Variants in CACNA1A observed in about 807,000 individuals in gnomAD.
The protein encoded by CACNA1A is voltage-dependent P/Q-type calcium channel subunit alpha-1A.
Under a neutral mutation model 262.4 loss-of-function variants are expected in CACNA1A, and 57 were observed. The observed-to-expected ratio is 0.22, with a 90% CI of 0.18 to 0.27. The LOEUF (loss-of-function observed/expected upper bound fraction) is 0.27, where lower values mean the gene tolerates loss of function less well. CACNA1A is among the 10% of genes least tolerant of loss of function. The pLI is 1.00. For synonymous variants in CACNA1A, 1,431 were observed against 1,419.3 expected, an observed-to-expected ratio of 1.01 and a Z score of -0.18; for missense variants, 2,526 against 3,562.8, an observed-to-expected ratio of 0.71 and a Z score of 7.41.
chr19:13,270,657 A>C (rs564094649), intron 24 of CACNA1A, among the ~76,000 whole-genome samples: 1 of 152,170 alleles, frequency 6.6e-6, no homozygotes, highest in Non-Finnish European at 1.5e-5. Context: ...GGTGTGCAGG[A>C]ATGGCTTGAT....
At chr19:13,285,572 C>T (rs2057380170) in intron 20 of CACNA1A, among the ~76,000 whole-genome samples, 1 of 151,968 alleles carries the variant, frequency 6.6e-6, no homozygotes, top group Non-Finnish European at 1.5e-5. Context: ...ACAGACCTGC[C>T]CCTATCCTCG....
In CACNA1A at chr19:13,224,749, G is replaced by A. The variant is rs61741139; in HGVS notation, c.5649C>T (p.Pro1883=). 1.4e-5 allele frequency: 22 copies of A among 1,609,700 alleles called. No individual in the cohort carries two copies. Among genetic ancestry groups the A allele is most frequent in the Middle Eastern group, 1.7e-4 (1 of 6,054 alleles). Residue 1883 remains proline (P), a synonymous_variant, in exon 38 of 47, where the codon CCC becomes CCT. Coordinates refer to ENST00000360228, the MANE Select transcript of CACNA1A (RefSeq NM_001127222.2). ...AYKRLLRMDL[P]VADDNTVHFN... Reference sequence around the variant, plus strand: ...AGTGGACGGTGTTGTCATCTGCGACGGGCAGGTCCATCCGCAGAAGCCGCT... The same window carrying A: ...AGTGGACGGTGTTGTCATCTGCGACAGGCAGGTCCATCCGCAGAAGCCGCT...
chr19:13,326,840 C>T (rs186532870), intron 10 of CACNA1A, among the ~76,000 whole-genome samples: 23 of 149,538 alleles, frequency 1.5e-4, no homozygotes, highest in Admixed American at 1.3e-3. Context: ...TGAACGTGAA[C>T]GCAAATACCA....
In CACNA1A at chr19:13,317,290, A is replaced by G. The variant is rs769335170; in HGVS notation, c.1377T>C (p.Ser459=). The G allele has an allele frequency of 1.2e-6, 2 of 1,610,204 alleles. No individual in the cohort carries two copies. Among genetic ancestry groups the G allele is most frequent in the Non-Finnish European group, 1.7e-6 (2 of 1,176,756 alleles). The part of the protein sequence containing the change: ...GSPFARASIK[S]AKLENSTFFH... The stretch of plus-strand genomic sequence containing the variant: ...AAAAGGTCGAGTTCTCCAGCTTGGC[A>G]CTTTTAATGCTGGCTCGGGCGAAGG... The change falls in exon 11 of 47, where the codon AGT becomes AGC. Residue 459 remains serine (S), a synonymous_variant. Transcript: ENST00000360228.
intron 10 of CACNA1A, among the ~76,000 whole-genome samples, chr19:13,324,451 C>A (rs2058313193): frequency 6.6e-6 from 1 of 152,128 alleles, no homozygotes; most frequent in Non-Finnish European, 1.5e-5. Context: ...GCCTTCCCCA[C>A]ACACAAAAAA....
intron 3 of CACNA1A, among the ~76,000 whole-genome samples, chr19:13,432,815 C>T (rs1012239709): frequency 7.2e-5 from 11 of 152,024 alleles, no homozygotes; most frequent in African/African-American, 2.7e-4. Context: ...AAACATATAT[C>T]AGAACATCCC....
At chr19:13,345,731 T>C (rs1600385985) in intron 6 of CACNA1A, among the ~76,000 whole-genome samples, 1 of 152,262 alleles carries the variant, frequency 6.6e-6, no homozygotes, top group South Asian at 2.1e-4. Context: ...GTGAAAAAGC[T>C]GAAGTCTGAC....
intron 5 of CACNA1A, chr19:13,362,645 T>A (rs2059131061): frequency 6.6e-6 from 1 of 152,286 alleles, no homozygotes; most frequent in African/African-American, 2.4e-5. Context: ...ACCTGGCCCC[T>A]TTCAGGCATA....
At chr19:13,343,167 G>A (rs1481191422) in intron 6 of CACNA1A, among the ~76,000 whole-genome samples, 1 of 151,456 alleles carries the variant, frequency 6.6e-6, no homozygotes, top group Non-Finnish European at 1.5e-5. Flanking sequence ...TGTTGCCCAG[G>A]CTGGAGTGCA....
intron 3 of CACNA1A, among the ~76,000 whole-genome samples, chr19:13,436,984 G>A (rs2060623701): frequency 6.6e-6 from 1 of 152,216 alleles, no homozygotes; most frequent in Non-Finnish European, 1.5e-5. Flanking sequence ...TTTCAGGTTA[G>A]CTGGTGTCCC....
intron 1 of CACNA1A, among the ~76,000 whole-genome samples, chr19:13,469,714 T>C (rs1227154651): frequency 6.7e-6 from 1 of 149,828 alleles, no homozygotes; most frequent in African/African-American, 2.5e-5. Context: ...CCGCCTCGGC[T>C]CCCCAAAGTG....
intron 3 of CACNA1A, among the ~76,000 whole-genome samples, chr19:13,406,186 G>A (rs1309984062): frequency 6.6e-6 from 1 of 151,740 alleles, no homozygotes; most frequent in Non-Finnish European, 1.5e-5. Flanking sequence ...CGGGCATGGT[G>A]GCTCATGCCT....
chr19:13,216,341 ATTG>A (rs1432636338), intron 38 of CACNA1A, among the ~76,000 whole-genome samples: 2 of 151,764 alleles, frequency 1.3e-5, no homozygotes, highest in Non-Finnish European at 2.9e-5. Context: ...TATTTTTATT[ATTG>A]TTATTATTTT....
chr19:13,383,095 G>A (rs900021358), intron 3 of CACNA1A, among the ~76,000 whole-genome samples: 6 of 152,292 alleles, frequency 3.9e-5, no homozygotes, highest in East Asian at 3.9e-4. Flanking sequence ...AAAGGACCAC[G>A]GAGTGATGTT....
rs1364959323 is a variant in CACNA1A, at chr19:13,255,701, T to TTCCC, written c.4591-443_4591-442insGGGA. Among the ~76,000 whole-genome samples the TTCCC allele has an allele frequency of 2.5e-3, 167 of 65,948 alleles. 3 individuals carry two copies. Among genetic ancestry groups the TTCCC allele is most frequent in the African/African-American group, 9.9e-3 (158 of 16,008 alleles). 43.3% of individuals were successfully genotyped at this position (65,948 alleles called of 152,430 possible). ...CCCTCCTTCCTTCCTTCCTCCCTCCTTCCTTCCCTCCCTCCCTCCTTCTCT... is the reference window on the plus strand; with the variant it reads ...CCCTCCTTCCTTCCTTCCTCCCTCCTTCCCTCCTTCCCTCCCTCCCTCCTTCTCT... On this transcript the variant is annotated intron_variant, in intron 28 of 46. Transcript: ENST00000360228.
intron 1 of CACNA1A, among the ~76,000 whole-genome samples, chr19:13,462,526 C>T (rs2061143610): frequency 6.6e-6 from 1 of 152,210 alleles, no homozygotes; most frequent in Non-Finnish European, 1.5e-5. Context: ...GCACAGCGAC[C>T]ATAATTACAG....
rs369136576 is a variant in CACNA1A, at chr19:13,416,105, G to A, written c.539+36771C>T. Reference sequence around the variant, plus strand: ...AGTGAGAAACAGAATTTTAAATTTCGCTTAATTTTTTTTGAGACAAGGTCT... The same window carrying A: ...AGTGAGAAACAGAATTTTAAATTTCACTTAATTTTTTTTGAGACAAGGTCT... On this transcript the variant is annotated intron_variant, in intron 3 of 46. Coordinates refer to ENST00000360228, the MANE Select transcript of CACNA1A (RefSeq NM_001127222.2). Among the ~76,000 whole-genome samples, 5 of 152,030 alleles carry A rather than the reference G, an allele frequency of 3.3e-5. No individual in the cohort carries two copies. In the East Asian group the frequency reaches 7.7e-4, roughly 23 times the overall value.
chr19:13,365,114 TG>T (rs1259326551), intron 5 of CACNA1A: 6 of 430,584 alleles, frequency 1.4e-5, no homozygotes, highest in South Asian at 1.2e-4. Flanking sequence ...CTTTCTCTGC[TG>T]GGTCACCTTC....
Position 13,338,072 on chromosome 19 carries a change from T to A in CACNA1A, c.979-2163A>T, listed in dbSNP as rs1161341837. 5.3e-5 allele frequency among the ~76,000 whole-genome samples: 8 copies of A among 152,000 alleles called. 1 individual carries two copies. In the South Asian group the frequency reaches 6.2e-4, roughly 12 times the overall value. On this transcript the variant is annotated intron_variant, in intron 6 of 46. Transcript: ENST00000360228. The stretch of plus-strand genomic sequence containing the variant: ...GTCTCTACTAAAAATACAAAAAAAA[T>A]TAGCCGGGCCTGGTGACGGGCGCCT...
Sources: gnomAD v4.1 joint callset for allele counts (sites outside exome capture counted in the v4.1 genomes callset) on GRCh38, gnomAD v4.1.1 for gene constraint, MANE v1.5 for transcripts, NCBI Gene and HGNC (gene_info 2026-07-23, HGNC 2026-07-21) for gene names.